The following GIPC3 variants were observed in gnomAD, a reference collection of about 807,000 sequenced individuals.
GIPC3 encodes the protein PDZ domain-containing protein GIPC3.
Under a neutral mutation model 27.3 loss-of-function variants are expected in GIPC3, and 16 were observed. The observed-to-expected ratio is 0.59, with a 90% confidence interval of 0.40 to 0.89. GIPC3 has a LOEUF of 0.89. Ranked by LOEUF, GIPC3 falls within the 40% of genes least tolerant of loss-of-function variation. GIPC3 has a pLI of 0.00. For missense variants in GIPC3, 440 were observed against 442.1 expected (o/e 1.00, Z 0.04); for synonymous variants, 194 against 184.6 (o/e 1.05, Z -0.41).
chr19:3,589,647 G>T (rs918572468), intron 4 of GIPC3, 92 bp downstream of exon 4: 4 of 1,238,710 alleles, frequency 3.2e-6, no homozygotes, highest in Admixed American at 1.8e-5. Context: ...TCTCCTCGGA[G>T]CCTCAGTTTC....
chr19:3,592,767 C>G lies in GIPC3; in HGVS notation c.*2577C>G. The G allele has an allele frequency of 2.4e-6, 3 of 1,232,170 alleles. No homozygotes were observed. The highest frequency in any genetic ancestry group is 3.0e-6 in the Non-Finnish European group (3 of 988,012). 76.3% of individuals were successfully genotyped at this position (1,232,170 alleles called of 1,614,324 possible). Reference sequence around the variant, plus strand: ...AATTCAGCCCAGCCCTGGAGCCCACCTTAGTTCTGGAACCCAGCCTGTTTC... The same window carrying G: ...AATTCAGCCCAGCCCTGGAGCCCACGTTAGTTCTGGAACCCAGCCTGTTTC... On this transcript the variant is annotated 3_prime_UTR_variant, in exon 6 of 6. Transcript: ENST00000644452.
At position 3,592,933 on chromosome 19, in the gene GIPC3, G is replaced by A. The variant is rs2032513625; in HGVS notation, c.*2743G>A. ...GCCCCAGCCCAACCTCAGCCCCCAG[G>A]CCCATCCCCCAGAGACCCCACCCCA... On this transcript the variant is annotated 3_prime_UTR_variant, in exon 6 of 6. Transcript: ENST00000644452. 1.6e-5 allele frequency: 20 copies of A among 1,225,888 alleles called. No homozygotes were observed. The highest frequency in any genetic ancestry group is 2.0e-5 in the Non-Finnish European group (20 of 983,558). 75.9% of individuals were successfully genotyped at this position (1,225,888 alleles called of 1,614,324 possible).
chr19:3,592,839 C>G lies in GIPC3; in HGVS notation c.*2649C>G. The G allele has an allele frequency of 8.1e-7, 1 of 1,232,162 alleles. No individual in the cohort carries two copies. Among genetic ancestry groups the G allele is most frequent in the Non-Finnish European group, 1.0e-6 (1 of 988,024 alleles). The allele number at this position is 1,232,162 out of a possible 1,614,324, so 76.3% of individuals were successfully genotyped here. A position where few individuals can be genotyped will look rare whatever the true frequency, so the allele number is the denominator to read the frequency against. ...AACTCACACCAGTTCAAGAATCTGG[C>G]TGAGCCCTGGAAATGGAATCTGCCC... On this transcript the variant is annotated 3_prime_UTR_variant, in exon 6 of 6. Transcript: ENST00000644452.
rs2032497227 is a variant in GIPC3 at position 3,592,173 on chromosome 19, T to TCTAGTTCCGACAGCAGGC, written c.*1984_*1985insTAGTTCCGACAGCAGGCC. 8.1e-7 allele frequency: 1 copy of TCTAGTTCCGACAGCAGGC among 1,231,852 alleles called. No homozygotes were observed. The highest frequency in any genetic ancestry group is 1.6e-5 in the African/African-American group (1 of 64,358). 76.3% of individuals were successfully genotyped at this position (1,231,852 alleles called of 1,614,324 possible). ...AGCCCTGTCTAGTTCCGACAGCAGGTCCAGCTCCAGGACCCAGCGCTGCCC... is the reference window on the plus strand; with the variant it reads ...AGCCCTGTCTAGTTCCGACAGCAGGTCTAGTTCCGACAGCAGGCCCAGCTCCAGGACCCAGCGCTGCCC... On this transcript the variant is annotated 3_prime_UTR_variant, in exon 6 of 6. Transcript: ENST00000644452.
rs1488695370 is a variant in GIPC3, at chr19:3,592,122, A to G, written c.*1932A>G. On this transcript the variant is annotated 3_prime_UTR_variant, in exon 6 of 6. Transcript: ENST00000644452. ...CCAATCTAGTCCTGGGACCCAGGCC[A>G]TCGCAGCAATAGAATTAAGCTCCAC... is the stretch of plus-strand genomic sequence containing the variant. 1 of 1,232,130 alleles carries G rather than the reference A, an allele frequency of 8.1e-7. No individual in the cohort carries two copies. The highest frequency in any genetic ancestry group is 1.0e-6 in the Non-Finnish European group (1 of 988,068). 76.3% of individuals were successfully genotyped at this position (1,232,130 alleles called of 1,614,324 possible). A position where few individuals can be genotyped will look rare whatever the true frequency, so the allele number is the denominator to read the frequency against.
intron 3 of GIPC3, among the ~76,000 whole-genome samples, chr19:3,587,531 C>A (rs926105168): frequency 6.6e-6 from 1 of 152,136 alleles, no homozygotes; most frequent in African/African-American, 2.4e-5. Context: ...CTCCACCCGC[C>A]TCAGTCTCCC....
Position 3,590,620 on chromosome 19 carries a change from C to T in GIPC3, c.*430C>T. On this transcript the variant is annotated 3_prime_UTR_variant, in exon 6 of 6. Transcript: ENST00000644452. Reference sequence around the variant, plus strand: ...TCTAGAACTCAGATGGGCTCTGAGACCATGCCCAGCTCTAGAACTCAGATG... The same window carrying T: ...TCTAGAACTCAGATGGGCTCTGAGATCATGCCCAGCTCTAGAACTCAGATG... 2 of 1,281,420 alleles carry T rather than the reference C, an allele frequency of 1.6e-6. No homozygotes were observed. The highest frequency in any genetic ancestry group is 3.7e-5 in the Admixed American group (1 of 27,014). The allele number at this position is 1,281,420 out of a possible 1,614,324, so 79.4% of individuals were successfully genotyped here. A position where few individuals can be genotyped will look rare whatever the true frequency, so the allele number is the denominator to read the frequency against.
chr19:3,591,273 G>A lies in GIPC3; in HGVS notation c.*1083G>A, dbSNP rs2032484519. 8.1e-7 allele frequency: 1 copy of A among 1,232,668 alleles called. No homozygotes were observed. The highest frequency in any genetic ancestry group is 1.0e-6 in the Non-Finnish European group (1 of 988,462). 76.4% of individuals were successfully genotyped at this position (1,232,668 alleles called of 1,614,324 possible). A position where few individuals can be genotyped will look rare whatever the true frequency, so the allele number is the denominator to read the frequency against. On this transcript the variant is annotated 3_prime_UTR_variant, in exon 6 of 6. Transcript: ENST00000644452. ...GACCAAGCCCTGCTCTGAAGCCCAG[G>A]CCAGCTCTGAGACGAAGCACATCTC...
Position 3,585,812 on chromosome 19 carries a change from C to T in GIPC3, c.215C>T (p.Ala72Val), listed in dbSNP as rs1404429233. 3 of 1,545,168 alleles carry T rather than the reference C, an allele frequency of 1.9e-6. No individual in the cohort carries two copies. The Admixed American group carries it at 5.9e-5, about 30-fold the overall frequency. ...AAGATCGCCGAAGCCTTCGGGATCG[C>T]GCCCACCGAGGTAAGGAGCCCGGAC... Reference protein sequence around the residue: ...YAKIAEAFGIAPTEILFCTLN... With the variant: ...YAKIAEAFGIVPTEILFCTLN... The change falls in exon 1 of 6, where the codon GCG (alanine) becomes GTG (valine). Residue 72 changes from alanine to valine, a missense_variant. Physicochemically the swap from Ala to Val is moderately conservative, Grantham distance 64. Transcript: ENST00000644452.
chr19:3,593,124 G>T lies in GIPC3; in HGVS notation c.*2934G>T. On this transcript the variant is annotated 3_prime_UTR_variant, in exon 6 of 6. Coordinates refer to ENST00000644452, the MANE Select transcript of GIPC3 (RefSeq NM_133261.3). The stretch of plus-strand genomic sequence containing the variant: ...GCCAGCCGTCTCTCCCAAGCCCCGG[G>T]TGGGACCCCAGAAGTCCACCCCACC... 8.1e-7 allele frequency: 1 copy of T among 1,232,378 alleles called. No homozygotes were observed. The highest frequency in any genetic ancestry group is 1.0e-6 in the Non-Finnish European group (1 of 988,312). 76.3% of individuals were successfully genotyped at this position (1,232,378 alleles called of 1,614,324 possible).
chr19:3,586,604 AG>A lies in GIPC3; in HGVS notation c.337del (p.Val113TrpfsTer12). The A allele has an allele frequency of 6.3e-7, 1 of 1,596,842 alleles. No individual in the cohort carries two copies. Among genetic ancestry groups the A allele is most frequent in the Non-Finnish European group, 8.5e-7 (1 of 1,171,760 alleles). On this transcript the variant is annotated frameshift_variant, in exon 2 of 6. Transcript: ENST00000644452. LOFTEE classifies it high-confidence loss of function. ...IFAHVRGETK[E>X]VEVTKTEDAL... ...GCCCACGTGCGAGGCGAGACCAAGG[AG>A]GTGGAGGTCACTAAGACAGAGGATG... is the stretch of plus-strand genomic sequence containing the variant.
rs1405676624 is a variant in GIPC3, at chr19:3,585,655, C to T, written c.58C>T (p.Pro20Ser). ...RGTETPRASA[P>S]PPAPSEPPAA... ...GACCGAGACCCCGCGCGCGTCTGCG[C>T]CCCCGCCCGCGCCCTCGGAGCCCCC... The change falls in exon 1 of 6, where the codon CCC (proline) becomes TCC (serine). Residue 20 changes from proline (P) to serine (S), a missense_variant. Coordinates refer to ENST00000644452, the MANE Select transcript of GIPC3 (RefSeq NM_133261.3). 5.7e-5 allele frequency: 70 copies of T among 1,223,338 alleles called. No homozygotes were observed. The East Asian group carries it at 2.4e-3, about 41-fold the overall frequency. The allele number at this position is 1,223,338 out of a possible 1,614,324, so 75.8% of individuals were successfully genotyped here.
In GIPC3 at chr19:3,591,853, G is replaced by A; in HGVS notation, c.*1663G>A. Reference sequence around the variant, plus strand: ...AGACCCAGCTCCAGCACACAGCTTGGTGCCAAGCCCCACTCTCCTTGCACA... The same window carrying A: ...AGACCCAGCTCCAGCACACAGCTTGATGCCAAGCCCCACTCTCCTTGCACA... On this transcript the variant is annotated 3_prime_UTR_variant, in exon 6 of 6. Transcript: ENST00000644452. 3.2e-6 allele frequency: 4 copies of A among 1,233,168 alleles called. No homozygotes were observed. Among genetic ancestry groups the A allele is most frequent in the Non-Finnish European group, 4.0e-6 (4 of 988,902 alleles). 76.4% of individuals were successfully genotyped at this position (1,233,168 alleles called of 1,614,324 possible).
chr19:3,587,027 G>T (rs1191052765), intron 3 of GIPC3, 33 bp downstream of exon 3: 2 of 1,591,834 alleles, frequency 1.3e-6, no homozygotes, highest in South Asian at 2.2e-5. Context: ...AGCTCTTCCC[G>T]AAGTGCGTTC....
Position 3,589,552 on chromosome 19 carries a change from A to G in GIPC3, c.702A>G (p.Glu234=), listed in dbSNP as rs748059362. Residue 234 remains glutamate, a synonymous_variant, in exon 4 of 6, where the codon GAA becomes GAG. Coordinates refer to ENST00000644452, the MANE Select transcript of GIPC3 (RefSeq NM_133261.3). ...CTGGGGGGGCTGCCACAGTGGAGGAAGCGGTGAGTGAAGGGGAGGGGCTCT... is the reference window on the plus strand; with the variant it reads ...CTGGGGGGGCTGCCACAGTGGAGGAGGCGGTGAGTGAAGGGGAGGGGCTCT... ...LRSGGAATVE[E]APSEFEEEAS... The G allele has an allele frequency of 5.6e-6, 9 of 1,611,830 alleles. No homozygotes were observed. The African/African-American group carries it at 1.2e-4, about 22-fold the overall frequency.
At chr19:3,587,905 G>C (rs952274649) in intron 3 of GIPC3, among the ~76,000 whole-genome samples, 2 of 151,198 alleles carry the variant, frequency 1.3e-5, no homozygotes, top group Non-Finnish European at 2.9e-5. Flanking sequence ...TAGCCAGGAC[G>C]GTCTCGATCT....
In GIPC3 at chr19:3,592,224, C is replaced by T; in HGVS notation, c.*2034C>T. 2.4e-6 allele frequency: 3 copies of T among 1,232,282 alleles called. No individual in the cohort carries two copies. The highest frequency in any genetic ancestry group is 4.1e-5 in the South Asian group (1 of 24,310). The allele number at this position is 1,232,282 out of a possible 1,614,324, so 76.3% of individuals were successfully genotyped here. The stretch of plus-strand genomic sequence containing the variant: ...AGGAGCTCGACCAGCCTCTGGGACT[C>T]AATTCGCCTCTAAAACCCTGCCAGG... On this transcript the variant is annotated 3_prime_UTR_variant, in exon 6 of 6. Coordinates refer to ENST00000644452, the MANE Select transcript of GIPC3 (RefSeq NM_133261.3).
chr19:3,588,018 T>G (rs1407876131), intron 3 of GIPC3, among the ~76,000 whole-genome samples: 2 of 151,996 alleles, frequency 1.3e-5, no homozygotes, highest in Non-Finnish European at 2.9e-5. Flanking sequence ...TTTTTTCTTT[T>G]TTTGAGACGG....
intron 4 of GIPC3, 45 bp from the exon 5 acceptor site, chr19:3,589,786 G>A (rs756062198): frequency 1.1e-5 from 17 of 1,588,438 alleles, no homozygotes; most frequent in African/African-American, 2.7e-5. Flanking sequence ...GGGCTGGAGG[G>A]CTCCAAAGCT....
Sources: allele counts gnomAD v4.1 joint callset (sites outside exome capture counted in the v4.1 genomes callset), GRCh38; gene constraint gnomAD v4.1.1; transcripts MANE v1.5; gene names NCBI Gene and HGNC (gene_info 2026-07-23, HGNC 2026-07-21).